The following FRRS1 variants were observed in gnomAD, a reference collection of about 807,000 sequenced individuals.
The protein encoded by FRRS1 is ferric chelate reductase 1.
A neutral mutation model predicts 70.7 loss-of-function variants in FRRS1; 51 were observed. The observed-to-expected ratio is 0.72, with a 90% CI of 0.58 to 0.91. The LOEUF (loss-of-function observed/expected upper bound fraction) is 0.91. Ranked by LOEUF, FRRS1 falls within the 40% of genes least tolerant of loss-of-function variation. The pLI is 0.00. For synonymous variants in FRRS1, 225 were observed against 238.7 expected (o/e 0.94, Z 0.53); for missense variants, 672 against 726.0 (o/e 0.93, Z 0.86).
chr1:99,747,231 C>T lies in FRRS1; in HGVS notation c.333+63G>A, dbSNP rs935157946. Reference sequence around the variant, plus strand: ...AAGTTATACACAGATTTCCAATTTCCCCAGGGGTGGGGTCTGCACCTGTAA... The same window carrying T: ...AAGTTATACACAGATTTCCAATTTCTCCAGGGGTGGGGTCTGCACCTGTAA... On this transcript the variant is annotated intron_variant, in intron 4 of 16. Transcript: ENST00000646001. 13 of 1,355,356 alleles carry T rather than the reference C, an allele frequency of 9.6e-6. No homozygotes were observed. The Middle Eastern group carries it at 7.5e-4, about 79-fold the overall frequency. The allele number at this position is 1,355,356 out of a possible 1,614,324, so 84.0% of individuals were successfully genotyped here.
At chr1:99,739,438 C>T (rs1248036426) in intron 6 of FRRS1, among the ~76,000 whole-genome samples, 1 of 152,108 alleles carries the variant, frequency 6.6e-6, no homozygotes, top group Non-Finnish European at 1.5e-5. Flanking sequence ...AAGGATTAAG[C>T]CTAAACTGAG....
chr1:99,715,148 C>T (rs1200964530), intron 12 of FRRS1, among the ~76,000 whole-genome samples: 5 of 152,144 alleles, frequency 3.3e-5, no homozygotes, highest in African/African-American at 9.7e-5. Context: ...TGAACCACCA[C>T]ACCCAGCCTG....
At chr1:99,754,033 T>C (rs1274699992) in intron 1 of FRRS1, among the ~76,000 whole-genome samples, 1 of 152,176 alleles carries the variant, frequency 6.6e-6, no homozygotes, top group East Asian at 1.9e-4. Flanking sequence ...AGGAAAGTTA[T>C]CAGAGATAAA....
intron 1 of FRRS1, among the ~76,000 whole-genome samples, chr1:99,760,707 T>C (rs994975247): frequency 6.6e-6 from 1 of 152,154 alleles, no homozygotes; most frequent in African/African-American, 2.4e-5. Context: ...TGGAGTACCA[T>C]GGTGTGATCT....
intron 1 of FRRS1, among the ~76,000 whole-genome samples, chr1:99,766,103 C>T (rs1348958208): frequency 6.6e-6 from 1 of 152,000 alleles, no homozygotes; most frequent in African/African-American, 2.4e-5. Context: ...CCTTGCCACC[C>T]TGGAGTCTTT....
At chr1:99,758,328 T>C (rs1390447365) in intron 1 of FRRS1, among the ~76,000 whole-genome samples, 3 of 152,226 alleles carry the variant, frequency 2.0e-5, no homozygotes, top group Non-Finnish European at 4.4e-5. Context: ...ATTGCTTCTA[T>C]TAGAAAATGA....
At chr1:99,716,277 T>G (rs550779615) in intron 11 of FRRS1, among the ~76,000 whole-genome samples, 1 of 152,240 alleles carries the variant, frequency 6.6e-6, no homozygotes, top group East Asian at 1.9e-4. Flanking sequence ...GATGGCTGGA[T>G]GGATAGATGG....
intron 1 of FRRS1, among the ~76,000 whole-genome samples, chr1:99,761,641 T>A (rs1657116097): frequency 6.6e-6 from 1 of 152,202 alleles, no homozygotes; most frequent in Non-Finnish European, 1.5e-5. Context: ...TATAATTGAA[T>A]AATGTTACTA....
chr1:99,760,068 T>G (rs2101003712), intron 1 of FRRS1, among the ~76,000 whole-genome samples: 1 of 152,340 alleles, frequency 6.6e-6, no homozygotes, highest in South Asian at 2.1e-4. Context: ...ATGTTAAATC[T>G]GCTTTATAAG....
At chr1:99,717,385 C>T in intron 11 of FRRS1, 25 bp downstream of exon 11, 1 of 1,331,602 alleles carries the variant, frequency 7.5e-7, no homozygotes, top group African/African-American at 1.4e-5. Context: ...ATGAATATTG[C>T]ATTGAACTTT....
At chr1:99,733,567 G>A (rs1030371537) in intron 7 of FRRS1, among the ~76,000 whole-genome samples, 1 of 152,144 alleles carries the variant, frequency 6.6e-6, no homozygotes, top group African/African-American at 2.4e-5. Flanking sequence ...GGCTCCCATT[G>A]GCCGAATTGG....
intron 1 of FRRS1, chr1:99,765,171 C>G (rs546339771): frequency 2.9e-4 from 44 of 152,296 alleles, no homozygotes; most frequent in African/African-American, 1.0e-3. Context: ...AACTAAATGA[C>G]GAACTAAAAC....
chr1:99,715,527 G>A (rs1212805484), intron 12 of FRRS1, 59 bp downstream of exon 12: 4 of 943,176 alleles, frequency 4.2e-6, no homozygotes, highest in South Asian at 1.4e-5. Flanking sequence ...AAATAAAACA[G>A]CAATCTGTTT....
intron 9 of FRRS1, among the ~76,000 whole-genome samples, chr1:99,720,492 A>AAT (rs916615568): frequency 7.2e-5 from 11 of 151,938 alleles, no homozygotes; most frequent in Admixed American, 2.6e-4. Context: ...TAATATAACA[A>AAT]ATATATATAT....
In FRRS1 at chr1:99,747,331, C is replaced by A; in HGVS notation, c.296G>T (p.Ser99Ile). The A allele has an allele frequency of 6.2e-7, 1 of 1,613,938 alleles. No individual in the cohort carries two copies. Among genetic ancestry groups the A allele is most frequent in the South Asian group, 1.1e-5 (1 of 91,066 alleles). The change falls in exon 4 of 17, where the codon AGT becomes ATT. Residue 99 changes from serine to isoleucine, a missense_variant. By Grantham distance (142) the Ser-to-Ile change is moderately radical. Transcript: ENST00000646001. ...PPIGSFTLID[S>I]EVSQLLTCED... Reference sequence around the variant, plus strand: ...ACAGGTCAAAAGTTGTGACACTTCACTGTCAATCAATGTGAAGGAGCCAAT... The same window carrying A: ...ACAGGTCAAAAGTTGTGACACTTCAATGTCAATCAATGTGAAGGAGCCAAT...
At chr1:99,713,358 T>C (rs1654366442) in intron 12 of FRRS1, among the ~76,000 whole-genome samples, 1 of 152,248 alleles carries the variant, frequency 6.6e-6, no homozygotes, top group Non-Finnish European at 1.5e-5. Flanking sequence ...GGCTATAAAC[T>C]AGACAATTAC....
At chr1:99,740,605 T>A (rs1655907007) in intron 6 of FRRS1, among the ~76,000 whole-genome samples, 188 bp downstream of exon 6, 1 of 152,190 alleles carries the variant, frequency 6.6e-6, no homozygotes, top group African/African-American at 2.4e-5. Flanking sequence ...TTTGGCCACA[T>A]ATTATTTAGA....
At chr1:99,750,478 T>C (rs928516268) in intron 1 of FRRS1, among the ~76,000 whole-genome samples, 1 of 152,138 alleles carries the variant, frequency 6.6e-6, no homozygotes, top group Non-Finnish European at 1.5e-5. Context: ...ATTAAGATGC[T>C]AAATGCTCCA....
chr1:99,715,315 C>T (rs1273566017), intron 12 of FRRS1, among the ~76,000 whole-genome samples: 4 of 152,148 alleles, frequency 2.6e-5, no homozygotes, highest in African/African-American at 9.7e-5. Flanking sequence ...ATTGTCACCA[C>T]TCTATAGTGA....
Sources: gnomAD v4.1 joint callset for allele counts (sites outside exome capture counted in the v4.1 genomes callset) on GRCh38, gnomAD v4.1.1 for gene constraint, MANE v1.5 for transcripts, NCBI Gene and HGNC (gene_info 2026-07-23, HGNC 2026-07-21) for gene names.